The following C8orf34 variants were observed in gnomAD, a reference collection of about 807,000 sequenced individuals.
The protein encoded by C8orf34 is uncharacterized protein C8orf34.
In C8orf34, 65 loss-of-function variants were observed where a neutral mutation model predicts 68.3. The ratio of observed to expected loss-of-function variants is 0.95; its 90% CI spans 0.78 to 1.17. The LOEUF (loss-of-function observed/expected upper bound fraction) is 1.17, where lower values mean the gene tolerates loss of function less well. C8orf34 is among the 50% of genes most tolerant of loss of function. C8orf34 has a pLI of 0.00. For synonymous variants in C8orf34, 244 were observed against 241.2 expected (o/e 1.01, Z -0.11); for missense variants, 664 against 655.4 (o/e 1.01, Z -0.14).
chr8:68,348,173 T>G (rs903299786), intron 1 of C8orf34, among the ~76,000 whole-genome samples: 55 of 152,238 alleles, frequency 3.6e-4, no homozygotes, highest in Admixed American at 5.9e-4. Context: ...TTCAATCATC[T>G]GTATAGGGCT....
chr8:68,641,922 T>C (rs1280477531), intron 8 of C8orf34, among the ~76,000 whole-genome samples: 5 of 152,240 alleles, frequency 3.3e-5, no homozygotes, highest in Non-Finnish European at 7.3e-5. Flanking sequence ...TGGCATGTAT[T>C]ACTTTCTTAC....
intron 5 of C8orf34, among the ~76,000 whole-genome samples, chr8:68,496,319 C>G (rs934733452): frequency 6.6e-6 from 1 of 152,246 alleles, no homozygotes. Flanking sequence ...ATAACAACCC[C>G]ATGAGAAAGC....
At chr8:68,614,311 A>G (rs996634480) in intron 7 of C8orf34, among the ~76,000 whole-genome samples, 12 of 152,082 alleles carry the variant, frequency 7.9e-5, no homozygotes, top group African/African-American at 2.4e-4. Context: ...GCATTTGTCA[A>G]TTTTGGCTTT....
At chr8:68,475,552 C>G (rs936018006) in intron 4 of C8orf34, among the ~76,000 whole-genome samples, 6 of 152,126 alleles carry the variant, frequency 3.9e-5, no homozygotes, top group African/African-American at 1.4e-4. Flanking sequence ...AAAATGTGAG[C>G]CTTTGGGATA....
chr8:68,769,016 TAAA>T (rs1585854401), intron 10 of C8orf34, among the ~76,000 whole-genome samples: 1 of 152,260 alleles, frequency 6.6e-6, no homozygotes, highest in African/African-American at 2.4e-5. Context: ...TCTAGATCCT[TAAA>T]AGACATTTTT....
At position 68,581,837 on chromosome 8, in the gene C8orf34, T is replaced by G. The variant is rs531898705; in HGVS notation, c.1105+48688T>G. Among the ~76,000 whole-genome samples, 7 of 152,244 alleles carry G rather than the reference T, an allele frequency of 4.6e-5. No individual in the cohort carries two copies. The East Asian group carries it at 1.4e-3, about 30-fold the overall frequency. The stretch of plus-strand genomic sequence containing the variant: ...TCTCACCTTCCAAATTTCTTGCCAG[T>G]ACATCTCGTTGGCAGAACCAAATTT... On this transcript the variant is annotated intron_variant, in intron 7 of 13. Coordinates refer to ENST00000518698, the MANE Select transcript of C8orf34 (RefSeq NM_052958.4).
At chr8:68,750,550 T>C (rs1161283251) in intron 10 of C8orf34, among the ~76,000 whole-genome samples, 1 of 152,128 alleles carries the variant, frequency 6.6e-6, no homozygotes, top group Non-Finnish European at 1.5e-5. Flanking sequence ...TTGCACAGCA[T>C]TGTGAATGTA....
At chr8:68,695,322 T>A (rs1043255059) in intron 8 of C8orf34, among the ~76,000 whole-genome samples, 4 of 152,056 alleles carry the variant, frequency 2.6e-5, no homozygotes, top group Admixed American at 2.6e-4. Context: ...TAAATTTTTG[T>A]ATTTTTAGTA....
intron 8 of C8orf34, among the ~76,000 whole-genome samples, chr8:68,695,260 C>A (rs931103886): frequency 4.0e-5 from 6 of 151,818 alleles, no homozygotes; most frequent in Admixed American, 3.9e-4. Flanking sequence ...GATTCTCCTG[C>A]CTCAACCTAC....
chr8:68,363,996 AC>A (rs200240085), intron 1 of C8orf34, among the ~76,000 whole-genome samples: 19,420 of 49,628 alleles, frequency 0.39, 2,753 homozygotes, highest in African/African-American at 0.59. Flanking sequence ...TATTCAGGAA[AC>A]CCATCTCACG....
chr8:68,604,249 T>C (rs1408503362), intron 7 of C8orf34, among the ~76,000 whole-genome samples: 4 of 150,748 alleles, frequency 2.7e-5, no homozygotes, highest in Admixed American at 2.6e-4. Flanking sequence ...CCAGGGGTGC[T>C]GGGATAAGCT....
At chr8:68,656,335 T>G (rs945368241) in intron 8 of C8orf34, among the ~76,000 whole-genome samples, 2 of 152,200 alleles carry the variant, frequency 1.3e-5, no homozygotes, top group African/African-American at 4.8e-5. Context: ...GACAAAGTAC[T>G]TTCACAGACA....
intron 1 of C8orf34, among the ~76,000 whole-genome samples, chr8:68,422,389 C>T (rs1810018206): frequency 1.3e-5 from 2 of 152,198 alleles, no homozygotes; most frequent in Admixed American, 1.3e-4. Context: ...AGGCCCCATG[C>T]AAGTCCGAAA....
chr8:68,634,492 C>A (rs1022358374), intron 7 of C8orf34, among the ~76,000 whole-genome samples: 1 of 152,194 alleles, frequency 6.6e-6, no homozygotes, highest in South Asian at 2.1e-4. Context: ...ATTTGTTTTT[C>A]TCCCTTTCTA....
chr8:68,534,752 C>G (rs1274959997), intron 7 of C8orf34: 26 of 985,272 alleles, frequency 2.6e-5, no homozygotes, highest in Non-Finnish European at 2.9e-5. Flanking sequence ...GAAGGGGCAA[C>G]TGAGATCCAG....
chr8:68,585,237 A>G (rs1817174661), intron 7 of C8orf34, among the ~76,000 whole-genome samples: 1 of 152,190 alleles, frequency 6.6e-6, no homozygotes, highest in Non-Finnish European at 1.5e-5. Flanking sequence ...AGAGAGAAAG[A>G]AAACCACAAA....
chr8:68,493,813 A>T (rs1813411616), intron 5 of C8orf34, among the ~76,000 whole-genome samples: 1 of 152,200 alleles, frequency 6.6e-6, no homozygotes, highest in African/African-American at 2.4e-5. Flanking sequence ...ATGTAGCAAG[A>T]TGGCACCAAC....
At chr8:68,683,121 A>T (rs1358308042) in intron 8 of C8orf34, among the ~76,000 whole-genome samples, 1 of 152,088 alleles carries the variant, frequency 6.6e-6, no homozygotes, top group Admixed American at 6.6e-5. Flanking sequence ...TTTGAGAATC[A>T]TGAGAACAGT....
chr8:68,776,143 T>G (rs944370082), intron 10 of C8orf34, among the ~76,000 whole-genome samples: 6 of 152,228 alleles, frequency 3.9e-5, no homozygotes, highest in African/African-American at 1.2e-4. Flanking sequence ...CCTGCACATG[T>G]ATTCCAGAAC....
Sources: allele counts gnomAD v4.1 joint callset (sites outside exome capture counted in the v4.1 genomes callset), GRCh38; gene constraint gnomAD v4.1.1; transcripts MANE v1.5; gene names NCBI Gene and HGNC (gene_info 2026-07-23, HGNC 2026-07-21).